Variants in LIFR observed in about 807,000 individuals in gnomAD.
The protein encoded by LIFR is LIF receptor subunit alpha.
A neutral mutation model predicts 122.2 loss-of-function variants in LIFR; 84 were observed. The observed-to-expected ratio is 0.69, with a 90% CI of 0.58 to 0.82. The LOEUF is 0.82. LIFR is among the 40% of genes least tolerant of loss of function. The pLI is 0.00. For missense variants in LIFR, 1,294 were observed against 1,311.6 expected (o/e 0.99, Z 0.21); for synonymous variants, 422 against 434.7 (o/e 0.97, Z 0.36).
intron 3 of LIFR, among the ~76,000 whole-genome samples, chr5:38,527,556 C>CA (rs1746761050): frequency 6.6e-6 from 1 of 152,142 alleles, no homozygotes; most frequent in African/African-American, 2.4e-5. Flanking sequence ...GCATGCCTTT[C>CA]AAAATCCCAC....
At position 38,505,943 on chromosome 5, in the gene LIFR, C is replaced by A. The variant is rs755392819; in HGVS notation, c.1253G>T (p.Arg418Leu). 4 of 1,608,838 alleles carry A rather than the reference C, an allele frequency of 2.5e-6. No homozygotes were observed. Among genetic ancestry groups the A allele is most frequent in the East Asian group, 4.5e-5 (2 of 44,678 alleles). Residue 418 changes from arginine (R) to leucine (L), a missense_variant, in exon 9 of 20, where the codon CGA (arginine) becomes CTA (leucine). Arg to Leu is a moderately radical substitution (Grantham distance 102). Transcript: ENST00000453190. ...ATTAACTAAAATTGTTGATTGTGAT[C>A]GACCCAGCGGATTGTGAGCATTCAA... ...FTLNAHNPLG[R>L]SQSTILVNIT...
chr5:38,571,209 C>T (rs901430240), intron 1 of LIFR, among the ~76,000 whole-genome samples: 1 of 152,186 alleles, frequency 6.6e-6, no homozygotes, highest in Admixed American at 6.5e-5. Context: ...CTGCTATATA[C>T]AACCAGTTAT....
chr5:38,568,122 G>A (rs746799374), intron 1 of LIFR, among the ~76,000 whole-genome samples: 3 of 152,190 alleles, frequency 2.0e-5, no homozygotes, highest in African/African-American at 7.2e-5. Context: ...AGATGATAAA[G>A]TTCTTGCCTT....
At position 38,530,594 on chromosome 5, in the gene LIFR, T is replaced by C; in HGVS notation, c.54A>G (p.Lys18=). The C allele has an allele frequency of 6.2e-7, 1 of 1,612,838 alleles. No homozygotes were observed. Among genetic ancestry groups the C allele is most frequent in the Non-Finnish European group, 8.5e-7 (1 of 1,178,808 alleles). The change falls in exon 2 of 20, where the codon AAA becomes AAG. Residue 18 remains lysine (K), a synonymous_variant. Coordinates refer to ENST00000453190, the MANE Select transcript of LIFR (RefSeq NM_001127671.2). ...LKRPSWMVDN[K]RMRTASNFQW... is the part of the protein sequence containing the mutation. ...GGAAATTTGAAGCAGTCCTCATTCT[T>C]TTATTGTCCACCATCCAGGATGGTC...
chr5:38,485,563 A>G, intron 17 of LIFR: 1 of 541,450 alleles, frequency 1.8e-6, no homozygotes, highest in African/African-American at 1.9e-5. Context: ...ATATGACTTT[A>G]GACCTCTAGA....
chr5:38,540,420 TCAGA>T (rs1256120821), intron 1 of LIFR, among the ~76,000 whole-genome samples: 1 of 152,182 alleles, frequency 6.6e-6, no homozygotes, highest in African/African-American at 2.4e-5. Context: ...ATAACAAAGA[TCAGA>T]CAGTCTATGT....
chr5:38,497,498 T>C (rs957661589), intron 12 of LIFR, among the ~76,000 whole-genome samples: 1 of 152,256 alleles, frequency 6.6e-6, no homozygotes, highest in African/African-American at 2.4e-5. Flanking sequence ...CCAGAAGCAC[T>C]GCTCTACTTA....
intron 14 of LIFR, among the ~76,000 whole-genome samples, chr5:38,491,191 G>C (rs539929300): frequency 1.2e-3 from 186 of 152,236 alleles, no homozygotes; most frequent in African/African-American, 4.2e-3. Context: ...AACTCCACAG[G>C]ACATAGAGGT....
At chr5:38,595,791 G>A (rs1234482369), upstream of LIFR, among the ~76,000 whole-genome samples, 1 of 145,688 alleles carries the variant, frequency 6.9e-6, no homozygotes. Flanking sequence ...GGAGTGCAGC[G>A]GCTCGATCTC....
intron 1 of LIFR, among the ~76,000 whole-genome samples, chr5:38,543,870 C>T (rs527848752): frequency 6.6e-6 from 1 of 152,138 alleles, no homozygotes; most frequent in Non-Finnish European, 1.5e-5. Context: ...GATATACGTA[C>T]AACTTGTCAC....
chr5:38,581,305 A>T (rs1037861059), intron 1 of LIFR, among the ~76,000 whole-genome samples: 1 of 151,912 alleles, frequency 6.6e-6, no homozygotes, highest in Non-Finnish European at 1.5e-5. Context: ...TCCTAGCAGG[A>T]CGTTTAAGAC....
In LIFR at chr5:38,528,867, CACACACACACAG is replaced by C. The variant is rs3836782; in HGVS notation, c.143-39_143-28del. ...TGGAGGAGACACACACACACACACA[CACACACACACAG>C]ACACACATAAACACAGAATATGCTG... On this transcript the variant is annotated intron_variant, in intron 2 of 19. Coordinates refer to ENST00000453190, the MANE Select transcript of LIFR (RefSeq NM_001127671.2). 297,359 of 1,095,966 alleles carry C rather than the reference CACACACACACAG, an allele frequency of 0.27. 19,736 individuals carry two copies. The highest frequency in any genetic ancestry group is 0.32 in the East Asian group (12,009 of 37,788). 67.9% of individuals were successfully genotyped at this position (1,095,966 alleles called of 1,614,324 possible). A position where few individuals can be genotyped will look rare whatever the true frequency, so the allele number is the denominator to read the frequency against.
chr5:38,496,238 A>T (rs1744867933), intron 13 of LIFR, 144 bp downstream of exon 13: 1 of 713,484 alleles, frequency 1.4e-6, no homozygotes, highest in East Asian at 2.6e-5. Context: ...TGAACTGTAG[A>T]CATCAATCTG....
rs1202112646 is a variant in LIFR, at chr5:38,523,495, G to A, written c.485C>T (p.Ser162Leu). Reference sequence around the variant, plus strand: ...AACATTTGAGCGGTGTGGAAAAACTGAACCCCTGTCGTTCCACTTTAGGTA... The same window carrying A: ...AACATTTGAGCGGTGTGGAAAAACTAAACCCCTGTCGTTCCACTTTAGGTA... ...TLYLKWNDRG[S>L]VFPHRSNVIW... The change falls in exon 5 of 20, where the codon TCA becomes TTA. Residue 162 changes from serine to leucine, a missense_variant. By Grantham distance (145) the Ser-to-Leu change is moderately radical (BLOSUM62 -2). Coordinates refer to ENST00000453190, the MANE Select transcript of LIFR (RefSeq NM_001127671.2). 2 of 1,613,482 alleles carry A rather than the reference G, an allele frequency of 1.2e-6. No individual in the cohort carries two copies. Among genetic ancestry groups the A allele is most frequent in the East Asian group, 2.2e-5 (1 of 44,820 alleles).
chr5:38,491,752 T>C (rs1312017787), intron 14 of LIFR, among the ~76,000 whole-genome samples: 12 of 152,248 alleles, frequency 7.9e-5, no homozygotes, highest in Non-Finnish European at 2.9e-5. Context: ...TTGTAATCAC[T>C]TTCCTTAAAC....
intron 1 of LIFR, among the ~76,000 whole-genome samples, chr5:38,591,750 T>C (rs959273847): frequency 2.0e-5 from 3 of 152,286 alleles, no homozygotes; most frequent in African/African-American, 7.2e-5. Context: ...GTCACAAACA[T>C]TGCTAGGTGG....
rs907666110 is a variant in LIFR at position 38,478,312 on chromosome 5, C to T, written c.*3283G>A. On this transcript the variant is annotated 3_prime_UTR_variant, in exon 20 of 20. Coordinates refer to ENST00000453190, the MANE Select transcript of LIFR (RefSeq NM_001127671.2). ...AAATGTAATCTTTCAGATCCACGAG[C>T]GGTGAAAGTAATGCTGGTTTGGAAA... 2 of 204,262 alleles carry T rather than the reference C, an allele frequency of 9.8e-6. No homozygotes were observed. Among genetic ancestry groups the T allele is most frequent in the Non-Finnish European group, 1.0e-5 (1 of 99,580 alleles). The allele number at this position is 204,262 out of a possible 1,614,324, so 12.7% of individuals were successfully genotyped here.
chr5:38,540,171 ATC>A (rs1319801064), intron 1 of LIFR, among the ~76,000 whole-genome samples: 1 of 151,976 alleles, frequency 6.6e-6, no homozygotes, highest in Non-Finnish European at 1.5e-5. Context: ...ATCACCTAAC[ATC>A]TCAGGTCTTA....
upstream of LIFR, among the ~76,000 whole-genome samples, chr5:38,598,595 C>A (rs1470410127): frequency 6.6e-6 from 1 of 151,950 alleles, no homozygotes; most frequent in Admixed American, 6.6e-5. Flanking sequence ...TGTTCCCAAC[C>A]CACTGAGCTT....
Sources: allele counts gnomAD v4.1 joint callset (sites outside exome capture counted in the v4.1 genomes callset), GRCh38; gene constraint gnomAD v4.1.1; transcripts MANE v1.5; gene names NCBI Gene and HGNC (gene_info 2026-07-23, HGNC 2026-07-21).